UBE2E2: variants seen among roughly 807,000 people sequenced by gnomAD.
UBE2E2 encodes ubiquitin conjugating enzyme E2 E2.
UBE2E2 carries 6 observed loss-of-function variants against 24.7 expected under a neutral mutation model. That is an observed-to-expected ratio of 0.24 (90% CI 0.13 to 0.48). The LOEUF (loss-of-function observed/expected upper bound fraction) is 0.48, where lower values mean the gene tolerates loss of function less well. UBE2E2 is among the 20% of genes least tolerant of loss of function. The probability of loss-of-function intolerance (pLI) is 0.99; values close to 1 mark genes in which losing one functional copy is unlikely to be tolerated. For synonymous variants in UBE2E2, 104 were observed against 83.6 expected (o/e 1.24, Z -1.33); for missense variants, 169 against 245.0 (o/e 0.69, Z 2.07).
intron 3 of UBE2E2, among the ~76,000 whole-genome samples, chr3:23,344,980 A>T (rs890003431): frequency 5.9e-5 from 9 of 151,674 alleles, no homozygotes; most frequent in African/African-American, 1.7e-4. Context: ...TCCATTGTGG[A>T]CTCTCCCCCA....
intron 3 of UBE2E2, among the ~76,000 whole-genome samples, chr3:23,362,249 G>A (rs920524862): frequency 1.6e-4 from 25 of 152,158 alleles, no homozygotes; most frequent in African/African-American, 6.0e-4. Flanking sequence ...TGGGCTCAGT[G>A]TGGAGCCAGG....
intron 3 of UBE2E2, among the ~76,000 whole-genome samples, chr3:23,498,119 G>A (rs2125454752): frequency 6.6e-6 from 1 of 152,030 alleles, no homozygotes; most frequent in East Asian, 1.9e-4. Flanking sequence ...TTTTAATAGA[G>A]TCTTTTTTTA....
intron 3 of UBE2E2, among the ~76,000 whole-genome samples, chr3:23,408,156 ATACATGCTT>A (rs1197583529): frequency 2.0e-5 from 3 of 152,214 alleles, no homozygotes; most frequent in Non-Finnish European, 4.4e-5. Flanking sequence ...TAGATATTAA[ATACATGCTT>A]TACACAGGTT....
chr3:23,439,902 T>C (rs905682238), intron 3 of UBE2E2, among the ~76,000 whole-genome samples: 1 of 151,982 alleles, frequency 6.6e-6, no homozygotes, highest in African/African-American at 2.4e-5. Flanking sequence ...ACATCAAGAT[T>C]ATACTATCAG....
intron 2 of UBE2E2, among the ~76,000 whole-genome samples, chr3:23,210,679 C>T (rs946335908): frequency 1.6e-4 from 25 of 152,120 alleles, no homozygotes; most frequent in African/African-American, 5.6e-4. Context: ...ATGTGCAGAG[C>T]GCAGCGCAGT....
intron 3 of UBE2E2, among the ~76,000 whole-genome samples, chr3:23,332,834 A>G (rs920628191): frequency 3.9e-5 from 6 of 152,144 alleles, no homozygotes; most frequent in African/African-American, 1.4e-4. Context: ...GTGTGTCACT[A>G]AGACTTGAAA....
Position 23,271,004 on chromosome 3 carries a change from G to C in UBE2E2, c.227+53692G>C, listed in dbSNP as rs115116113. 320 of 456,714 alleles carry C rather than the reference G, an allele frequency of 7.0e-4. 1 individual carries two copies. Among genetic ancestry groups the C allele is most frequent in the African/African-American group, 6.0e-3 (300 of 50,188 alleles). 28.3% of individuals were successfully genotyped at this position (456,714 alleles called of 1,614,324 possible). On this transcript the variant is annotated intron_variant, in intron 3 of 5. Transcript: ENST00000396703. The stretch of plus-strand genomic sequence containing the variant: ...CTTCTAACTTGTGAGTGACTTGGAA[G>C]GAGCAGACTTCATCTTACTTCTATT...
chr3:23,359,570 T>A (rs1402745457), intron 3 of UBE2E2, among the ~76,000 whole-genome samples: 1 of 152,210 alleles, frequency 6.6e-6, no homozygotes, highest in Non-Finnish European at 1.5e-5. Flanking sequence ...TTTGAAATGA[T>A]CTTTGATCTA....
intron 5 of UBE2E2, among the ~76,000 whole-genome samples, chr3:23,569,740 G>A (rs1053899887): frequency 2.6e-5 from 4 of 152,174 alleles, no homozygotes; most frequent in Non-Finnish European, 4.4e-5. Context: ...CTGTTCTTTA[G>A]ATGAGTTTAT....
intron 3 of UBE2E2, among the ~76,000 whole-genome samples, chr3:23,458,389 C>A (rs900610989): frequency 2.0e-4 from 9 of 45,912 alleles, no homozygotes; most frequent in African/African-American, 4.6e-4. Flanking sequence ...TCAGAGAGAT[C>A]GCTGGTGGTG....
At chr3:23,568,205 G>A (rs889204814) in intron 5 of UBE2E2, among the ~76,000 whole-genome samples, 7 of 152,114 alleles carry the variant, frequency 4.6e-5, no homozygotes, top group East Asian at 1.9e-4. Context: ...CCACGGATAC[G>A]TAACAATGTC....
At chr3:23,449,992 A>G in intron 3 of UBE2E2, 1 of 927,396 alleles carries the variant, frequency 1.1e-6, no homozygotes, top group Non-Finnish European at 1.3e-6. Context: ...CTGCCACGTG[A>G]GTACAGCAAT....
intron 4 of UBE2E2, among the ~76,000 whole-genome samples, chr3:23,514,966 C>G: frequency 6.6e-6 from 1 of 152,124 alleles, no homozygotes; most frequent in East Asian, 1.9e-4. Context: ...TTGATCTTGT[C>G]CTTTGGAAGA....
chr3:23,239,342 G>A (rs1697197603), intron 3 of UBE2E2, among the ~76,000 whole-genome samples: 1 of 152,092 alleles, frequency 6.6e-6, no homozygotes, highest in Admixed American at 6.5e-5. Flanking sequence ...AGTTTCTAGT[G>A]TACTCACAAC....
rs540559264 is a variant in UBE2E2, at chr3:23,413,229, A to G, written c.228-86379A>G. Among the ~76,000 whole-genome samples the G allele has an allele frequency of 3.9e-5, 6 of 152,272 alleles. No individual in the cohort carries two copies. In the South Asian group the frequency reaches 8.3e-4, roughly 21 times the overall value. On this transcript the variant is annotated intron_variant, in intron 3 of 5. Coordinates refer to ENST00000396703, the MANE Select transcript of UBE2E2 (RefSeq NM_152653.4). ...AAATTAAAAAAAAATCTGAGAAAAA[A>G]AAGTTAATTTAAACTTTAGCACATC...
chr3:23,462,409 C>G (rs918043655), intron 3 of UBE2E2, among the ~76,000 whole-genome samples: 2 of 152,164 alleles, frequency 1.3e-5, no homozygotes, highest in African/African-American at 2.4e-5. Flanking sequence ...CCCAGTGCAT[C>G]TCTACTTAGT....
intron 4 of UBE2E2, among the ~76,000 whole-genome samples, chr3:23,520,618 C>T (rs1468261553): frequency 6.6e-6 from 1 of 152,172 alleles, no homozygotes; most frequent in African/African-American, 2.4e-5. Flanking sequence ...ATTTACTTAT[C>T]ATTAACAGAA....
chr3:23,266,614 T>C (rs1018876273), intron 3 of UBE2E2, among the ~76,000 whole-genome samples: 5 of 152,236 alleles, frequency 3.3e-5, no homozygotes, highest in African/African-American at 9.6e-5. Flanking sequence ...CTGACAATTA[T>C]GTGTCTTGGA....
Position 23,526,207 on chromosome 3 carries a change from A to G in UBE2E2, c.361-6347A>G, listed in dbSNP as rs148812706. ...TGTTGGAGTGCCCGGCACATATTGA[A>G]TGCTTACTGAATTTATTATTTCTAT... On this transcript the variant is annotated intron_variant, in intron 4 of 5. Transcript: ENST00000396703. 7.9e-3 allele frequency among the ~76,000 whole-genome samples: 1,206 copies of G among 152,326 alleles called. 21 individuals carry two copies. The highest frequency in any genetic ancestry group is 0.027 in the African/African-American group (1,123 of 41,570).
Sources: allele counts gnomAD v4.1 joint callset (sites outside exome capture counted in the v4.1 genomes callset), GRCh38; gene constraint gnomAD v4.1.1; transcripts MANE v1.5; gene names NCBI Gene and HGNC (gene_info 2026-07-23, HGNC 2026-07-21).